The following NCCRP1 variants were observed in gnomAD, a reference collection of about 807,000 sequenced individuals.
NCCRP1 encodes the protein F-box only protein 50.
In NCCRP1, 32 loss-of-function variants were observed where a neutral mutation model predicts 34.4. The observed-to-expected ratio is 0.93, with a 90% CI of 0.70 to 1.25. The LOEUF (loss-of-function observed/expected upper bound fraction) is 1.25, where lower values mean the gene tolerates loss of function less well. Among genes scored for constraint, NCCRP1 ranks in the 50% most tolerant of loss-of-function variants. NCCRP1 has a pLI of 0.00. For missense variants in NCCRP1, 372 were observed against 391.8 expected (o/e 0.95, Z 0.43); for synonymous variants, 172 against 180.1 (o/e 0.95, Z 0.36).
At chr19:39,199,493 T>C (rs1473977544) in intron 4 of NCCRP1, among the ~76,000 whole-genome samples, 88 of 79,112 alleles carry the variant, frequency 1.1e-3, no homozygotes, top group Non-Finnish European at 1.9e-3. Flanking sequence ...TTTTCTTTTT[T>C]TTTTCTTTTT....
At chr19:39,199,312 TGCCCAGAGCATGA>T (rs1173665473) in intron 4 of NCCRP1, 47 bp downstream of exon 4, 1 of 1,549,822 alleles carries the variant, frequency 6.5e-7, no homozygotes, top group East Asian at 2.2e-5. Context: ...CGCGCAGGGC[TGCCCAGAGCATGA>T]GCCTTACTCT....
intron 2 of NCCRP1, 38 bp downstream of exon 2, chr19:39,198,153 G>A (rs553544141): frequency 6.8e-6 from 11 of 1,614,170 alleles, no homozygotes; most frequent in East Asian, 4.5e-5. Flanking sequence ...AGGGTGGGGA[G>A]GGTCCTCCAG....
intron 4 of NCCRP1, among the ~76,000 whole-genome samples, chr19:39,199,509 C>CTTTTTTTTTTTTTTTTTTTTTTTTTTT (rs150534648): frequency 5.5e-4 from 37 of 67,866 alleles, no homozygotes; most frequent in South Asian, 1.5e-3. Flanking sequence ...TTTTTTCTTT[C>CTTTTTTTTTTTTTTTTTTTTTTTTTTT]TTTTTTTTTT....
In NCCRP1 at chr19:39,200,406, C is replaced by G. The variant is rs761896127; in HGVS notation, c.609C>G (p.Ala203=). Residue 203 remains alanine, a synonymous_variant, in exon 5 of 6, where the codon GCC becomes GCG. Transcript: ENST00000339852. The surrounding 1 kb of genome is among the most constrained non-coding windows in gnomAD (Gnocchi z 5.8). ...VYELHVWLLA[A]DRRTVIAQHH... is the part of the protein sequence containing the mutation. ...AGCTGCATGTCTGGCTGCTGGCGGC[C>G]GACCGCCGCACGGTCATTGCTCAGC... 3 of 1,613,460 alleles carry G rather than the reference C, an allele frequency of 1.9e-6. No individual in the cohort carries two copies. In the East Asian group the frequency reaches 6.7e-5, roughly 36 times the overall value.
chr19:39,198,954 G>A (rs990238032), intron 3 of NCCRP1, among the ~76,000 whole-genome samples: 3 of 152,078 alleles, frequency 2.0e-5, no homozygotes, highest in Non-Finnish European at 2.9e-5. Context: ...CCTTGGACAC[G>A]TCTCCATCCT....
intron 3 of NCCRP1, 85 bp downstream of exon 3, chr19:39,198,338 C>T: frequency 1.5e-6 from 2 of 1,367,938 alleles, no homozygotes; most frequent in East Asian, 2.3e-5. Context: ...CTGACTTGGC[C>T]TCTCTGGACC....
rs2144933238 is a variant in NCCRP1 at position 39,200,013 on chromosome 19, A to G, written c.549-333A>G. Among the ~76,000 whole-genome samples, 1 of 150,980 alleles carries G rather than the reference A, an allele frequency of 6.6e-6. No individual in the cohort carries two copies. The highest frequency in any genetic ancestry group is 2.4e-5 in the African/African-American group (1 of 41,040). On this transcript the variant is annotated intron_variant, in intron 4 of 5. Coordinates refer to ENST00000339852, the MANE Select transcript of NCCRP1 (RefSeq NM_001001414.2). This position sits in a 1 kb window ranked among gnomAD's most constrained non-coding sequence, Gnocchi z 5.8. ...GCCTGGGTCCCCAATTCCGACCCCA[A>G]CCCCTCTGCCTGTGTCCCCAGTTCT...
At position 39,197,079 on chromosome 19, in the gene NCCRP1, T is replaced by TCACCGC; in HGVS notation, c.99_104dup (p.Pro35_Pro36dup). On this transcript the variant is annotated inframe_insertion, in exon 1 of 6. Transcript: ENST00000339852. ...GCTGCCTCCCTCGCCACGGTCGCCT[T>TCACCGC]CACCGCCGCCGTCGCCGCCACCACT... 6.5e-7 allele frequency: 1 copy of TCACCGC among 1,529,438 alleles called. No homozygotes were observed. Among genetic ancestry groups the TCACCGC allele is most frequent in the Non-Finnish European group, 8.7e-7 (1 of 1,144,666 alleles). 94.7% of individuals were successfully genotyped at this position (1,529,438 alleles called of 1,614,324 possible).
intron 1 of NCCRP1, 105 bp downstream of exon 1, chr19:39,197,424 G>A: frequency 1.1e-6 from 1 of 930,672 alleles, no homozygotes; most frequent in Non-Finnish European, 1.5e-6. Context: ...CTCTGTCTAT[G>A]CATTTCTCTG....
chr19:39,197,931 C>T (rs1020312729), intron 1 of NCCRP1, 122 bp from the exon 2 acceptor site: 43 of 1,149,562 alleles, frequency 3.7e-5, no homozygotes, highest in African/African-American at 2.0e-4. Context: ...TCATCCCTGC[C>T]GGGCTTCCCT....
rs201348392 is a variant in NCCRP1, at chr19:39,200,779, C to A, written c.*23C>A. ...TGACTGGCTGGCTCCTCTGTCCTGACCCCACAGCACCTCCCTGACCTTTAG... is the reference window on the plus strand; with the variant it reads ...TGACTGGCTGGCTCCTCTGTCCTGAACCCACAGCACCTCCCTGACCTTTAG... On this transcript the variant is annotated 3_prime_UTR_variant, in exon 6 of 6. Transcript: ENST00000339852. The surrounding 1 kb of genome is among the most constrained non-coding windows in gnomAD (Gnocchi z 5.8). 4 of 1,599,738 alleles carry A rather than the reference C, an allele frequency of 2.5e-6. No homozygotes were observed. The highest frequency in any genetic ancestry group is 1.7e-5 in the Admixed American group (1 of 58,962).
chr19:39,200,316 G>A lies in NCCRP1; in HGVS notation c.549-30G>A, dbSNP rs1177967179. On this transcript the variant is annotated intron_variant, in intron 4 of 5. Coordinates refer to ENST00000339852, the MANE Select transcript of NCCRP1 (RefSeq NM_001001414.2). This position sits in a 1 kb window ranked among gnomAD's most constrained non-coding sequence, Gnocchi z 5.8. ...GGGGCTGGGTAGCTGAGACTGCAGT[G>A]ACAGCTGAAGGCCTTGACTCCGCCT... 6 of 1,609,764 alleles carry A rather than the reference G, an allele frequency of 3.7e-6. No individual in the cohort carries two copies. Among genetic ancestry groups the A allele is most frequent in the Non-Finnish European group, 5.1e-6 (6 of 1,178,440 alleles).
intron 1 of NCCRP1, 148 bp downstream of exon 1, chr19:39,197,467 T>A: frequency 1.4e-6 from 1 of 704,062 alleles, no homozygotes; most frequent in Non-Finnish European, 2.1e-6. Flanking sequence ...TCATTGTGCC[T>A]CTCCATTTTA....
chr19:39,200,484 G>A lies in NCCRP1; in HGVS notation c.687G>A (p.Gln229=), dbSNP rs752220471. 8 of 1,612,538 alleles carry A rather than the reference G, an allele frequency of 5.0e-6. No homozygotes were observed. Among genetic ancestry groups the A allele is most frequent in the Middle Eastern group, 1.7e-4 (1 of 6,054 alleles). ...GAGGACCCCCTGGCCGCTGGGTCCA[G>A]GTGAGACTCTCCGCGCCGGGGCCCT... ...SGRGPPGRWV[Q]VSHVFRHYGP... The change falls in exon 5 of 6, where the codon CAG becomes CAA. Residue 229 remains glutamine, a splice_region_variant and synonymous_variant. Transcript: ENST00000339852. The surrounding 1 kb of genome is among the most constrained non-coding windows in gnomAD (Gnocchi z 5.8).
At position 39,199,223 on chromosome 19, in the gene NCCRP1, A is replaced by T; in HGVS notation, c.506A>T (p.Glu169Val). 6.2e-7 allele frequency: 1 copy of T among 1,613,894 alleles called. No individual in the cohort carries two copies. The highest frequency in any genetic ancestry group is 8.5e-7 in the Non-Finnish European group (1 of 1,179,984). Residue 169 changes from glutamate to valine, a missense_variant, in exon 4 of 6, where the codon GAG (glutamate) becomes GTG (valine). Transcript: ENST00000339852. ...VDLLAEGLWE[E>V]LLDDEQPAIT... ...CTTCTGGCCGAGGGCCTGTGGGAGG[A>T]GCTGCTGGATGACGAACAACCAGCC...
chr19:39,197,409 T>G, intron 1 of NCCRP1, 90 bp downstream of exon 1: 1 of 1,099,438 alleles, frequency 9.1e-7, no homozygotes, highest in East Asian at 3.1e-5. Flanking sequence ...TACCTCTTTG[T>G]CTCTCTCTGT....
At chr19:39,197,895 C>T (rs1483022613) in intron 1 of NCCRP1, among the ~76,000 whole-genome samples, 158 bp from the exon 2 acceptor site, 1 of 152,198 alleles carries the variant, frequency 6.6e-6, no homozygotes, top group Non-Finnish European at 1.5e-5. Flanking sequence ...GCATTGCCCT[C>T]TCCCCAGCCC....
Position 39,197,171 on chromosome 19 carries a change from G to A in NCCRP1, c.189G>A (p.Gln63=). ...CCCCCGAGCTCCCCGAGCCGGCGCAGCCGTCCGAGGCTCACGCCCGGCAGC... is the reference window on the plus strand; with the variant it reads ...CCCCCGAGCTCCCCGAGCCGGCGCAACCGTCCGAGGCTCACGCCCGGCAGC... ...PEAPELPEPA[Q]PSEAHARQLL... is the part of the protein sequence containing the mutation. Residue 63 remains glutamine (Q), a synonymous_variant, in exon 1 of 6, where the codon CAG becomes CAA. Coordinates refer to ENST00000339852, the MANE Select transcript of NCCRP1 (RefSeq NM_001001414.2). The A allele has an allele frequency of 7.0e-7, 1 of 1,429,140 alleles. No homozygotes were observed. 88.5% of individuals were successfully genotyped at this position (1,429,140 alleles called of 1,614,324 possible).
chr19:39,200,264 G>A lies in NCCRP1; in HGVS notation c.549-82G>A, dbSNP rs910322979. 6.4e-6 allele frequency: 10 copies of A among 1,556,458 alleles called. No homozygotes were observed. Among genetic ancestry groups the A allele is most frequent in the Non-Finnish European group, 8.8e-6 (10 of 1,142,724 alleles). On this transcript the variant is annotated intron_variant, in intron 4 of 5. Transcript: ENST00000339852. The surrounding 1 kb of genome is among the most constrained non-coding windows in gnomAD (Gnocchi z 5.8). ...GTACAGCATGGGTAGCAGCATGTGT[G>A]TTGAATGGGGAATGGGGCCAGGGGC... is the stretch of plus-strand genomic sequence containing the variant.
Sources: allele counts gnomAD v4.1 joint callset (sites outside exome capture counted in the v4.1 genomes callset), GRCh38; gene constraint gnomAD v4.1.1; non-coding constraint Gnocchi (gnomAD v3.1); transcripts MANE v1.5; gene names NCBI Gene and HGNC (gene_info 2026-07-23, HGNC 2026-07-21).